The following NKAIN2 variants were observed in gnomAD, a reference collection of about 807,000 sequenced individuals.
NKAIN2 encodes sodium/potassium transporting ATPase interacting 2.
Under a neutral mutation model 32.6 loss-of-function variants are expected in NKAIN2, and 14 were observed. The observed-to-expected ratio is 0.43, with a 90% CI of 0.28 to 0.67. The LOEUF is 0.67. NKAIN2 is among the 30% of genes least tolerant of loss of function. The probability of loss-of-function intolerance (pLI) is 0.17; values close to 1 mark genes in which losing one functional copy is unlikely to be tolerated. For synonymous variants in NKAIN2, 80 were observed against 87.2 expected, an observed-to-expected ratio of 0.92 and a Z score of 0.46; for missense variants, 198 against 258.3, an observed-to-expected ratio of 0.77 and a Z score of 1.60.
At chr6:124,324,217 C>T (rs529222292) in intron 2 of NKAIN2, among the ~76,000 whole-genome samples, 16 of 152,130 alleles carry the variant, frequency 1.1e-4, no homozygotes, top group Non-Finnish European at 1.6e-4. Context: ...ATCTTTACTA[C>T]GATGAGTCTT....
At chr6:124,060,528 C>A (rs906288145) in intron 1 of NKAIN2, among the ~76,000 whole-genome samples, 19 of 152,136 alleles carry the variant, frequency 1.2e-4, no homozygotes, top group African/African-American at 3.9e-4. Flanking sequence ...CCATTTTGTA[C>A]ACATTTAGAA....
At chr6:124,459,813 T>C (rs1035218511) in intron 3 of NKAIN2, among the ~76,000 whole-genome samples, 1 of 151,856 alleles carries the variant, frequency 6.6e-6, no homozygotes, top group Non-Finnish European at 1.5e-5. Flanking sequence ...TTTAGATGTT[T>C]TTTATTTTAT....
intron 3 of NKAIN2, among the ~76,000 whole-genome samples, chr6:124,585,133 A>G (rs1781667155): frequency 6.6e-6 from 1 of 152,260 alleles, no homozygotes; most frequent in African/African-American, 2.4e-5. Flanking sequence ...GCCACAAAAA[A>G]GAATAAGATC....
intron 1 of NKAIN2, among the ~76,000 whole-genome samples, chr6:123,980,001 T>G (rs931787946): frequency 2.0e-5 from 3 of 152,194 alleles, no homozygotes; most frequent in Non-Finnish European, 4.4e-5. Flanking sequence ...ATTATGATAT[T>G]AGACAGTGAT....
intron 3 of NKAIN2, among the ~76,000 whole-genome samples, chr6:124,469,081 A>G (rs1310003689): frequency 2.0e-5 from 3 of 152,150 alleles, no homozygotes; most frequent in African/African-American, 7.2e-5. Flanking sequence ...ACACCATGTG[A>G]ATGGTGCCCC....
At chr6:124,307,168 C>G (rs1435588538) in intron 2 of NKAIN2, among the ~76,000 whole-genome samples, 4 of 152,026 alleles carry the variant, frequency 2.6e-5, no homozygotes, top group African/African-American at 9.7e-5. Flanking sequence ...AATTATTTCT[C>G]TGATAAAAAA....
chr6:124,485,909 G>A (rs1314739465), intron 3 of NKAIN2, among the ~76,000 whole-genome samples: 1 of 152,184 alleles, frequency 6.6e-6, no homozygotes, highest in Non-Finnish European at 1.5e-5. Context: ...TAGTGACCAA[G>A]GTCAGGGTGA....
intron 4 of NKAIN2, among the ~76,000 whole-genome samples, chr6:124,664,572 A>G (rs979212734): frequency 6.6e-6 from 1 of 151,418 alleles, no homozygotes; most frequent in Non-Finnish European, 1.5e-5. Flanking sequence ...AGGCGGGCGG[A>G]TCACGAGGTC....
intron 1 of NKAIN2, among the ~76,000 whole-genome samples, chr6:124,189,337 A>G (rs925490654): frequency 5.3e-5 from 8 of 152,186 alleles, no homozygotes; most frequent in African/African-American, 1.9e-4. Context: ...CCTATATTGG[A>G]CTAAGATTCT....
At chr6:124,195,877 G>A (rs1205996036) in intron 1 of NKAIN2, among the ~76,000 whole-genome samples, 1 of 151,806 alleles carries the variant, frequency 6.6e-6, no homozygotes, top group Non-Finnish European at 1.5e-5. Context: ...TCCCAGTGTT[G>A]CCTCAAGTAC....
intron 1 of NKAIN2, among the ~76,000 whole-genome samples, chr6:124,210,972 A>T (rs182578780): frequency 6.9e-4 from 105 of 151,728 alleles, no homozygotes; most frequent in African/African-American, 2.0e-3. Context: ...GATATCCAGT[A>T]CTATGTCAAA....
chr6:124,439,904 C>A (rs549216023), intron 3 of NKAIN2, among the ~76,000 whole-genome samples: 1 of 151,928 alleles, frequency 6.6e-6, no homozygotes, highest in African/African-American at 2.4e-5. Context: ...CTCCAGGAAG[C>A]CTGCTCTGAA....
At chr6:123,938,532 ATT>A (rs1333569870) in intron 1 of NKAIN2, among the ~76,000 whole-genome samples, 1 of 137,258 alleles carries the variant, frequency 7.3e-6, no homozygotes, top group Non-Finnish European at 1.6e-5. Context: ...TATATATTAT[ATT>A]TTTTATATAT....
chr6:124,615,863 T>G (rs1007629887), intron 3 of NKAIN2, among the ~76,000 whole-genome samples: 1 of 152,218 alleles, frequency 6.6e-6, no homozygotes. Context: ...TCTGCCATCT[T>G]CAATCTGCTA....
intron 3 of NKAIN2, among the ~76,000 whole-genome samples, chr6:124,492,043 A>C (rs1777883773): frequency 6.6e-6 from 1 of 151,990 alleles, no homozygotes; most frequent in Admixed American, 6.6e-5. Context: ...ATGAGATTCA[A>C]ATCAGTAAAA....
chr6:124,425,329 T>G (rs1236187348), intron 3 of NKAIN2, among the ~76,000 whole-genome samples: 1 of 152,124 alleles, frequency 6.6e-6, no homozygotes, highest in Non-Finnish European at 1.5e-5. Context: ...CGAAATGGGT[T>G]AAAGACTTAA....
intron 4 of NKAIN2, among the ~76,000 whole-genome samples, chr6:124,731,184 C>A (rs1776647777): frequency 9.4e-6 from 1 of 106,768 alleles, no homozygotes; most frequent in Non-Finnish European, 1.9e-5. Context: ...CTGGAAATAC[C>A]ATTTGACCCA....
At chr6:124,381,327 C>A (rs1772625265) in intron 3 of NKAIN2, among the ~76,000 whole-genome samples, 1 of 151,968 alleles carries the variant, frequency 6.6e-6, no homozygotes. Context: ...ATTTTTATAT[C>A]TATAAATATT....
chr6:124,503,238 C>T (rs905085054), intron 3 of NKAIN2, among the ~76,000 whole-genome samples: 1 of 151,864 alleles, frequency 6.6e-6, no homozygotes, highest in Admixed American at 6.6e-5. Flanking sequence ...TTTAACTCCG[C>T]CCCAAAAAGC....
Sources: allele counts gnomAD v4.1 joint callset (sites outside exome capture counted in the v4.1 genomes callset), GRCh38; gene constraint gnomAD v4.1.1; transcripts MANE v1.5; gene names NCBI Gene and HGNC (gene_info 2026-07-23, HGNC 2026-07-21).